Variants in MAGI1 observed in about 807,000 individuals in gnomAD.
MAGI1 encodes membrane-associated guanylate kinase, WW and PDZ domain-containing protein 1.
MAGI1 carries 58 observed loss-of-function variants against 139.9 expected under a neutral mutation model. The observed-to-expected ratio is 0.41, with a 90% confidence interval of 0.34 to 0.52. The LOEUF (loss-of-function observed/expected upper bound fraction) is 0.52. Among genes scored for constraint, MAGI1 ranks in the 20% least tolerant of loss-of-function variants. The probability of loss-of-function intolerance (pLI) is 0.12; values close to 1 mark genes in which losing one functional copy is unlikely to be tolerated. For synonymous variants in MAGI1, 812 were observed against 737.9 expected (o/e 1.10, Z -1.63); for missense variants, 1,874 against 1,901.6 (o/e 0.99, Z 0.27).
chr3:65,466,895 G>A (rs547883617), intron 5 of MAGI1, among the ~76,000 whole-genome samples: 1 of 152,200 alleles, frequency 6.6e-6, no homozygotes, highest in Admixed American at 6.5e-5. Context: ...TAGGACCACA[G>A]GTTTTTCTGC....
At chr3:65,856,671 G>A (rs943655440) in intron 1 of MAGI1, among the ~76,000 whole-genome samples, 2 of 152,110 alleles carry the variant, frequency 1.3e-5, no homozygotes, top group Non-Finnish European at 1.5e-5. Context: ...ACATCATCAC[G>A]TGCTACACCT....
At chr3:65,387,450 G>A (rs543647449) in intron 14 of MAGI1, among the ~76,000 whole-genome samples, 1 of 150,926 alleles carries the variant, frequency 6.6e-6, no homozygotes, top group Admixed American at 6.6e-5. Context: ...ACCACTGAGA[G>A]TTTCCTATAA....
intron 1 of MAGI1, among the ~76,000 whole-genome samples, chr3:66,027,200 G>A (rs1268627475): frequency 6.6e-6 from 1 of 151,730 alleles, no homozygotes; most frequent in Non-Finnish European, 1.5e-5. Flanking sequence ...CCCCAGAGGT[G>A]GAGCTTGCAG....
intron 2 of MAGI1, among the ~76,000 whole-genome samples, chr3:65,545,369 T>G (rs938301023): frequency 6.6e-6 from 1 of 152,138 alleles, no homozygotes; most frequent in African/African-American, 2.4e-5. Flanking sequence ...AAAGGTAACA[T>G]TTTAAAAATG....
At chr3:65,878,569 GAAAA>G (rs1251272295) in intron 1 of MAGI1, among the ~76,000 whole-genome samples, 2 of 144,780 alleles carry the variant, frequency 1.4e-5, no homozygotes, top group Non-Finnish European at 1.5e-5. Context: ...CCAAAATAAA[GAAAA>G]AATAAATTAT....
chr3:66,000,098 G>A (rs190212712), intron 1 of MAGI1, among the ~76,000 whole-genome samples: 3,883 of 149,042 alleles, frequency 0.026, 103 homozygotes, highest in Non-Finnish European at 0.043. Context: ...TCAGCCTCCC[G>A]AGCAGCTGGG....
intron 13 of MAGI1, 40 bp downstream of exon 13, chr3:65,401,399 C>T (rs745326830): frequency 6.3e-7 from 1 of 1,587,114 alleles, no homozygotes; most frequent in East Asian, 2.3e-5. Context: ...CACCATCCAC[C>T]CCAGCCCCAA....
At chr3:65,668,562 C>CTTTTTTTTTTT (rs58434479) in intron 1 of MAGI1, among the ~76,000 whole-genome samples, 91 of 79,874 alleles carry the variant, frequency 1.1e-3, no homozygotes, top group African/African-American at 3.3e-3. Flanking sequence ...CCTTTTTTTT[C>CTTTTTTTTTTT]TTTTTTTTTT....
chr3:65,654,676 G>T (rs1007810984), intron 1 of MAGI1, among the ~76,000 whole-genome samples: 3 of 151,658 alleles, frequency 2.0e-5, no homozygotes, highest in African/African-American at 7.3e-5. Context: ...ATAACATGAT[G>T]AGTGTGATTA....
At chr3:65,702,591 G>A (rs1451360832) in intron 1 of MAGI1, among the ~76,000 whole-genome samples, 1 of 152,034 alleles carries the variant, frequency 6.6e-6, no homozygotes, top group East Asian at 1.9e-4. Context: ...TTCTTTAAAT[G>A]CTCTTGACTC....
chr3:65,726,956 CAAA>C (rs539578446), intron 1 of MAGI1, among the ~76,000 whole-genome samples: 7 of 102,196 alleles, frequency 6.8e-5, no homozygotes, highest in African/African-American at 1.7e-4. Flanking sequence ...CTCCAAAATC[CAAA>C]AAAAAAAAAA....
chr3:65,385,536 T>C (rs1382735709), intron 14 of MAGI1, among the ~76,000 whole-genome samples: 6 of 152,330 alleles, frequency 3.9e-5, no homozygotes, highest in Middle Eastern at 3.4e-3. Context: ...AGATTTTAGG[T>C]TGGCGAAGAG....
chr3:65,636,798 A>AT (rs1307835209), intron 1 of MAGI1, among the ~76,000 whole-genome samples: 1 of 152,232 alleles, frequency 6.6e-6, no homozygotes, highest in Non-Finnish European at 1.5e-5. Context: ...GAGAGAAGGC[A>AT]TAGAATGAAG....
intron 1 of MAGI1, among the ~76,000 whole-genome samples, chr3:65,930,547 T>C (rs2062761470): frequency 6.6e-6 from 1 of 151,920 alleles, no homozygotes; most frequent in South Asian, 2.1e-4. Context: ...AGCAACTCCA[T>C]CTTGAATAGG....
chr3:65,402,322 T>C (rs112184614), intron 12 of MAGI1, among the ~76,000 whole-genome samples: 20 of 152,102 alleles, frequency 1.3e-4, no homozygotes, highest in Non-Finnish European at 2.5e-4. Flanking sequence ...CTGTCCTTAG[T>C]GGGAGGGCTG....
At chr3:65,637,572 G>GAAAGAAAGAAAC (rs1559743515) in intron 1 of MAGI1, among the ~76,000 whole-genome samples, 9 of 135,310 alleles carry the variant, frequency 6.7e-5, no homozygotes, top group African/African-American at 2.1e-4. Flanking sequence ...AAGAAAGAAA[G>GAAAGAAAGAAAC]AAAGAAAGAA....
At chr3:65,825,827 A>G (rs149114350) in intron 1 of MAGI1, among the ~76,000 whole-genome samples, 3,164 of 152,118 alleles carry the variant, frequency 0.021, 95 homozygotes, top group African/African-American at 0.071. Context: ...GTCTCCACTA[A>G]AAATATAAAA....
intron 1 of MAGI1, chr3:65,687,514 G>C (rs1286952827): frequency 1.3e-5 from 5 of 382,714 alleles, no homozygotes; most frequent in Admixed American, 3.6e-5. Context: ...CTGCTGAGCA[G>C]GCCTCTTACT....
intron 1 of MAGI1, among the ~76,000 whole-genome samples, chr3:65,905,005 C>T (rs1356948168): frequency 2.6e-5 from 4 of 152,090 alleles, no homozygotes; most frequent in East Asian, 1.9e-4. Flanking sequence ...TTAGGTACTC[C>T]GTATAGGGGA....
Sources: allele counts gnomAD v4.1 joint callset (sites outside exome capture counted in the v4.1 genomes callset), GRCh38; gene constraint gnomAD v4.1.1; transcripts MANE v1.5; gene names NCBI Gene and HGNC (gene_info 2026-07-23, HGNC 2026-07-21).